The following CRYBA4 variants were observed in gnomAD, a reference collection of about 807,000 sequenced individuals.
CRYBA4 encodes the protein beta-crystallin A4.
A neutral mutation model predicts 31.7 loss-of-function variants in CRYBA4; 30 were observed. The observed-to-expected ratio is 0.95, with a 90% CI of 0.71 to 1.28. CRYBA4 has a LOEUF of 1.28. Among genes scored for constraint, CRYBA4 ranks in the 50% most tolerant of loss-of-function variants. CRYBA4 has a pLI of 0.00. For missense variants in CRYBA4, 225 were observed against 260.7 expected (o/e 0.86, Z 0.94); for synonymous variants, 102 against 102.3 (o/e 1.00, Z 0.02).
the CRYBA4 span, among the ~76,000 whole-genome samples, chr22:26,596,027 C>T: frequency 6.6e-6 from 1 of 152,212 alleles, no homozygotes; most frequent in Non-Finnish European, 1.5e-5. Flanking sequence ...CCACCTTAGC[C>T]TTCCAAAATA....
chr22:26,597,745 C>A, the CRYBA4 span, among the ~76,000 whole-genome samples: 1 of 152,240 alleles, frequency 6.6e-6, no homozygotes, highest in South Asian at 2.1e-4. Flanking sequence ...CCTGATGTAC[C>A]CCAGCTCCAG....
intron 3 of CRYBA4, 117 bp from the exon 4 acceptor site, chr22:26,625,363 TG>T: frequency 1.7e-6 from 2 of 1,208,558 alleles, no homozygotes; most frequent in Non-Finnish European, 2.3e-6. Flanking sequence ...AAGTGTTTCC[TG>T]GGGGCACAGT....
At chr22:26,597,851 C>T in the CRYBA4 span, among the ~76,000 whole-genome samples, 1 of 152,082 alleles carries the variant, frequency 6.6e-6, no homozygotes, top group East Asian at 1.9e-4. Flanking sequence ...TTGGTGCAAA[C>T]ATCTTTCACA....
the CRYBA4 span, among the ~76,000 whole-genome samples, chr22:26,592,725 A>G: frequency 6.6e-6 from 1 of 152,184 alleles, no homozygotes; most frequent in Non-Finnish European, 1.5e-5. Flanking sequence ...GGGGAAGGGC[A>G]TGGGGAGCCT....
At chr22:26,602,535 G>A in the CRYBA4 span, among the ~76,000 whole-genome samples, 257 of 151,556 alleles carry the variant, frequency 1.7e-3, 2 homozygotes, top group Non-Finnish European at 2.8e-3. Context: ...AGGCTGCAGC[G>A]AGATATGATT....
In CRYBA4 at chr22:26,630,469, C is replaced by A. The variant is rs998563157; in HGVS notation, c.573C>A (p.Ile191=). ...CCCCGACCTTCCAGGTGCAGAGCAT[C>A]CGCAGGATCCAGCAGTGAACAGGGG... ...SHAPTFQVQS[I]RRIQQ is the part of the protein sequence containing the mutation. Residue 191 remains isoleucine (I), a synonymous_variant, in exon 6 of 6, where the codon ATC becomes ATA. Transcript: ENST00000354760. The A allele has an allele frequency of 1.2e-6, 2 of 1,613,856 alleles. No individual in the cohort carries two copies. Among genetic ancestry groups the A allele is most frequent in the Non-Finnish European group, 1.7e-6 (2 of 1,179,996 alleles).
chr22:26,602,799 G>A, the CRYBA4 span, among the ~76,000 whole-genome samples: 4 of 151,942 alleles, frequency 2.6e-5, no homozygotes, highest in African/African-American at 9.7e-5. Flanking sequence ...GTGAAACGTG[G>A]AACATTGGTG....
chr22:26,627,654 C>T (rs538774607), intron 4 of CRYBA4, among the ~76,000 whole-genome samples: 31 of 139,200 alleles, frequency 2.2e-4, no homozygotes, highest in African/African-American at 7.5e-4. Flanking sequence ...CTCTTTCTTT[C>T]TTTCTTTCTT....
chr22:26,604,923 C>T, the CRYBA4 span, among the ~76,000 whole-genome samples: 1 of 152,190 alleles, frequency 6.6e-6, no homozygotes, highest in Non-Finnish European at 1.5e-5. Context: ...TGAGACCCTA[C>T]AAGACCCTGG....
At chr22:26,611,458 T>TTG in the CRYBA4 span, among the ~76,000 whole-genome samples, 10 of 135,154 alleles carry the variant, frequency 7.4e-5, no homozygotes, top group East Asian at 7.3e-4. Flanking sequence ...GAGTTTGTTT[T>TTG]TTTTTTTTTT....
intron 3 of CRYBA4, among the ~76,000 whole-genome samples, chr22:26,623,987 G>A (rs57170401): frequency 0.045 from 6,838 of 152,310 alleles, 202 homozygotes; most frequent in East Asian, 0.094. Context: ...GCCAGCATGA[G>A]TAGAGAACTG....
At chr22:26,621,873 T>C, upstream of CRYBA4, 1 of 605,232 alleles carries the variant, frequency 1.7e-6, no homozygotes, top group Non-Finnish European at 2.1e-6. Flanking sequence ...TTTGTTTCTG[T>C]GGCCCAGTTG....
At chr22:26,603,295 C>T in the CRYBA4 span, among the ~76,000 whole-genome samples, 206 of 151,988 alleles carry the variant, frequency 1.4e-3, 1 homozygote, top group Non-Finnish European at 2.2e-3. Flanking sequence ...TTTGGGAGGC[C>T]GAGACAGGTA....
chr22:26,623,637 C>T (rs959736068), intron 3 of CRYBA4, among the ~76,000 whole-genome samples: 1 of 151,970 alleles, frequency 6.6e-6, no homozygotes, highest in African/African-American at 2.4e-5. Context: ...CCCTCCCAGC[C>T]GTAAATTGAA....
chr22:26,608,157 T>A, the CRYBA4 span: 1 of 1,299,498 alleles, frequency 7.7e-7, no homozygotes, highest in Non-Finnish European at 1.1e-6. Context: ...GCTGAACATG[T>A]CTGGGTTTGA....
At chr22:26,605,427 A>T in the CRYBA4 span, among the ~76,000 whole-genome samples, 1 of 149,768 alleles carries the variant, frequency 6.7e-6, no homozygotes, top group East Asian at 2.1e-4. Flanking sequence ...TAATCCCAGC[A>T]CTTTGGGAGG....
the CRYBA4 span, among the ~76,000 whole-genome samples, chr22:26,609,581 A>T: frequency 6.6e-6 from 1 of 152,136 alleles, no homozygotes. Flanking sequence ...TGGGTGGGTG[A>T]TGGAGAACAC....
Position 26,630,460 on chromosome 22 carries a change from G to A in CRYBA4, c.564G>A (p.Val188=). ...GCTCTCATGCCCCGACCTTCCAGGT[G>A]CAGAGCATCCGCAGGATCCAGCAGT... The part of the protein sequence containing the change: ...EWGSHAPTFQ[V]QSIRRIQQ The change falls in exon 6 of 6, where the codon GTG becomes GTA. Residue 188 remains valine (V), a synonymous_variant. Transcript: ENST00000354760. 6.2e-7 allele frequency: 1 copy of A among 1,613,962 alleles called. No individual in the cohort carries two copies. The highest frequency in any genetic ancestry group is 8.5e-7 in the Non-Finnish European group (1 of 1,179,984).
the CRYBA4 span, among the ~76,000 whole-genome samples, chr22:26,609,126 T>G: frequency 2.0e-5 from 3 of 152,040 alleles, no homozygotes; most frequent in Non-Finnish European, 4.4e-5. Context: ...AAGAGACGGA[T>G]GAGGGGACAC....
Sources: allele counts gnomAD v4.1 joint callset (sites outside exome capture counted in the v4.1 genomes callset), GRCh38; gene constraint gnomAD v4.1.1; transcripts MANE v1.5; gene names NCBI Gene and HGNC (gene_info 2026-07-23, HGNC 2026-07-21).